The following TCEA3 variants were observed in gnomAD, a reference collection of about 807,000 sequenced individuals.
TCEA3 encodes the protein transcription elongation factor A3, also known as transcription elongation factor A protein 3.
Under a neutral mutation model 44.0 loss-of-function variants are expected in TCEA3, and 36 were observed. The ratio of observed to expected loss-of-function variants is 0.82; its 90% CI spans 0.63 to 1.08. The LOEUF is 1.08. Among genes scored for constraint, TCEA3 ranks in the 50% least tolerant of loss-of-function variants. The probability of loss-of-function intolerance (pLI) is 0.00; values close to 1 mark genes in which losing one functional copy is unlikely to be tolerated. For synonymous variants in TCEA3, 162 were observed against 159.7 expected (o/e 1.01, Z -0.11); for missense variants, 392 against 441.2 (o/e 0.89, Z 1.00).
intron 8 of TCEA3, among the ~76,000 whole-genome samples, chr1:23,389,437 T>C (rs1415259269): frequency 6.7e-6 from 1 of 148,610 alleles, no homozygotes; most frequent in Admixed American, 6.8e-5. Context: ...TGCAGTGAGC[T>C]GAGACTGCAC....
intron 7 of TCEA3, among the ~76,000 whole-genome samples, chr1:23,397,260 C>T (rs1639243074): frequency 6.6e-6 from 1 of 152,188 alleles, no homozygotes; most frequent in Admixed American, 6.5e-5. Flanking sequence ...ATGATTTGAC[C>T]TCTCTGAGTC....
At position 23,404,162 on chromosome 1, in the gene TCEA3, T is replaced by C. The variant is rs72882976; in HGVS notation, c.443+4502A>G. On this transcript the variant is annotated intron_variant, in intron 5 of 10. Coordinates refer to ENST00000450454, the MANE Select transcript of TCEA3 (RefSeq NM_003196.3). ...AGTTACTGCATCAGCGAGCATGCTCTGCAAATGGCAAATCATTCTGATAGC... is the reference window on the plus strand; with the variant it reads ...AGTTACTGCATCAGCGAGCATGCTCCGCAAATGGCAAATCATTCTGATAGC... The C allele has an allele frequency of 2.5e-3, 1,748 of 702,352 alleles. 28 individuals carry two copies. In the African/African-American group the frequency reaches 0.027, roughly 11 times the overall value. The allele number at this position is 702,352 out of a possible 1,614,324, so 43.5% of individuals were successfully genotyped here.
rs760414246 is a variant in TCEA3 at position 23,424,659 on chromosome 1, G to C, written c.-26C>G. 6 of 1,591,648 alleles carry C rather than the reference G, an allele frequency of 3.8e-6. No individual in the cohort carries two copies. In the South Asian group the frequency reaches 6.6e-5, roughly 18 times the overall value. ...GTTGGCCCGCGACGCCCGGCGGGGCGAGGGGCACAGGGGCAGCAGTAGGGC... is the reference window on the plus strand; with the variant it reads ...GTTGGCCCGCGACGCCCGGCGGGGCCAGGGGCACAGGGGCAGCAGTAGGGC... On this transcript the variant is annotated 5_prime_UTR_variant, in exon 1 of 11. Coordinates refer to ENST00000450454, the MANE Select transcript of TCEA3 (RefSeq NM_003196.3).
At chr1:23,386,517 C>T (rs1244457013) in intron 9 of TCEA3, among the ~76,000 whole-genome samples, 2 of 152,054 alleles carry the variant, frequency 1.3e-5, no homozygotes, top group African/African-American at 2.4e-5. Flanking sequence ...GGATTACAGG[C>T]GTGAGCCACT....
intron 8 of TCEA3, among the ~76,000 whole-genome samples, chr1:23,390,457 G>C (rs1277792166): frequency 6.6e-6 from 1 of 152,026 alleles, no homozygotes; most frequent in Admixed American, 6.6e-5. Context: ...CTCCAGCCTG[G>C]GTGACAGCCA....
intron 10 of TCEA3, among the ~76,000 whole-genome samples, chr1:23,383,046 G>A (rs1300047173): frequency 6.6e-5 from 10 of 152,280 alleles, no homozygotes; most frequent in African/African-American, 1.4e-4. Context: ...TTGGGAGGCC[G>A]AGGCGGGCGG....
chr1:23,416,105 C>G (rs922181326), intron 4 of TCEA3, among the ~76,000 whole-genome samples: 2 of 147,110 alleles, frequency 1.4e-5, no homozygotes, highest in African/African-American at 2.5e-5. Flanking sequence ...CTTCCAGGTT[C>G]AAGTGATTCT....
chr1:23,404,987 G>A (rs1415042418), intron 5 of TCEA3, among the ~76,000 whole-genome samples: 2 of 151,890 alleles, frequency 1.3e-5, no homozygotes, highest in East Asian at 3.9e-4. Context: ...AGTTCCATAT[G>A]AAAATCTAGG....
chr1:23,414,702 A>G (rs185152225), intron 4 of TCEA3, among the ~76,000 whole-genome samples: 63 of 152,266 alleles, frequency 4.1e-4, no homozygotes, highest in African/African-American at 1.5e-3. Flanking sequence ...CACCCGGCCT[A>G]TTTTCTTATT....
chr1:23,409,869 A>G (rs1187647449), intron 4 of TCEA3, among the ~76,000 whole-genome samples: 1 of 151,902 alleles, frequency 6.6e-6, no homozygotes, highest in Non-Finnish European at 1.5e-5. Context: ...TTTATATTTA[A>G]TTATATTTAT....
chr1:23,392,763 A>C (rs1639099635), intron 8 of TCEA3, among the ~76,000 whole-genome samples: 1 of 148,424 alleles, frequency 6.7e-6, no homozygotes. Context: ...CATACACACC[A>C]CACACACACC....
Position 23,387,332 on chromosome 1 carries a change from T to C in TCEA3, c.907A>G (p.Thr303Ala). ...REHQMAKTGG[T>A]TTDLFQCSKC... ...CTGCACTGGAAGAGGTCAGTGGTGG[T>C]GCCGCCAGTCTTGGCCATCTGGTGC... The change falls in exon 9 of 11, where the codon ACC (threonine) becomes GCC (alanine). Residue 303 changes from threonine to alanine, a missense_variant. Thr to Ala is a moderately conservative substitution (Grantham distance 58). Transcript: ENST00000450454. 1 of 1,613,876 alleles carries C rather than the reference T, an allele frequency of 6.2e-7. No individual in the cohort carries two copies. Among genetic ancestry groups the C allele is most frequent in the Non-Finnish European group, 8.5e-7 (1 of 1,179,860 alleles).
intron 8 of TCEA3, among the ~76,000 whole-genome samples, chr1:23,388,172 C>T (rs1212034): frequency 0.77 from 116,503 of 151,142 alleles, 45,957 homozygotes; most frequent in Non-Finnish European, 0.86. Context: ...GGGTGGCTGA[C>T]GCGAATCTCA....
intron 5 of TCEA3, among the ~76,000 whole-genome samples, chr1:23,399,546 C>T (rs1349239070): frequency 6.6e-6 from 1 of 152,014 alleles, no homozygotes; most frequent in Admixed American, 6.6e-5. Context: ...GCCCATAATA[C>T]CATGTTAATA....
intron 5 of TCEA3, among the ~76,000 whole-genome samples, chr1:23,405,075 T>TG (rs1222968938): frequency 6.6e-6 from 1 of 151,748 alleles, no homozygotes; most frequent in Non-Finnish European, 1.5e-5. Context: ...TCAGCTGCAG[T>TG]GGGGTAGTGG....
intron 1 of TCEA3, among the ~76,000 whole-genome samples, chr1:23,423,314 C>G (rs1455181852): frequency 1.3e-5 from 2 of 152,218 alleles, no homozygotes; most frequent in African/African-American, 2.4e-5. Context: ...TCTGTCTCAT[C>G]TCTCCAATCC....
chr1:23,408,797 A>C, intron 4 of TCEA3, 71 bp from the exon 5 acceptor site: 1 of 1,443,800 alleles, frequency 6.9e-7, no homozygotes. Context: ...GGTGGGGAGA[A>C]AGCATCCTGG....
chr1:23,418,134 G>T, intron 2 of TCEA3, 125 bp from the exon 3 acceptor site: 1 of 908,232 alleles, frequency 1.1e-6, no homozygotes, highest in Non-Finnish European at 1.7e-6. Context: ...CAGAGTCCTA[G>T]CCCTGACTCC....
rs113503086 is a variant in TCEA3, at chr1:23,384,550, T to G, written c.967-133A>C. On this transcript the variant is annotated intron_variant, in intron 9 of 10. Transcript: ENST00000450454. ...TTCCCACCCCCCGCTGGCAATTTCC[T>G]TATCACTGACAACTCCATAATATTA... 5 of 851,948 alleles carry G rather than the reference T, an allele frequency of 5.9e-6. No homozygotes were observed. In the Admixed American group the frequency reaches 1.2e-4, roughly 20 times the overall value. The allele number at this position is 851,948 out of a possible 1,614,324, so 52.8% of individuals were successfully genotyped here. A position where few individuals can be genotyped will look rare whatever the true frequency, so the allele number is the denominator to read the frequency against.
Sources: allele counts gnomAD v4.1 joint callset (sites outside exome capture counted in the v4.1 genomes callset), GRCh38; gene constraint gnomAD v4.1.1; transcripts MANE v1.5; gene names NCBI Gene and HGNC (gene_info 2026-07-23, HGNC 2026-07-21).